Variants in TTLL1 observed in about 807,000 individuals in gnomAD.
The protein encoded by TTLL1 is polyglutamylase complex subunit TTLL1.
In TTLL1, 33 loss-of-function variants were observed where a neutral mutation model predicts 47.8. That is an observed-to-expected ratio of 0.69 (90% CI 0.52 to 0.92). TTLL1 has a LOEUF of 0.92. TTLL1 is among the 40% of genes least tolerant of loss of function. The pLI is 0.00. For missense variants in TTLL1, 488 were observed against 547.5 expected, an observed-to-expected ratio of 0.89 and a Z score of 1.08; for synonymous variants, 225 against 214.1, an observed-to-expected ratio of 1.05 and a Z score of -0.45.
chr22:43,068,538 C>T lies in TTLL1; in HGVS notation c.375G>A (p.Glu125=), dbSNP rs201616202. The T allele has an allele frequency of 2.6e-6, 4 of 1,563,252 alleles. No individual in the cohort carries two copies. The stretch of plus-strand genomic sequence containing the variant: ...TGCTGGACGGGCTCTTCCGGAACTC[C>T]TCTACAAACAGGTTGTAGTCAGCGG... The part of the protein sequence containing the change: ...MLPADYNLFV[E]EFRKSPSSTW... Residue 125 remains glutamate (E), a synonymous_variant, in exon 5 of 11, where the codon GAG becomes GAA. Coordinates refer to ENST00000266254, the MANE Select transcript of TTLL1 (RefSeq NM_012263.5).
intron 1 of TTLL1, among the ~76,000 whole-genome samples, chr22:43,088,865 T>A (rs1288440122): frequency 6.6e-6 from 1 of 152,160 alleles, no homozygotes; most frequent in African/African-American, 2.4e-5. Flanking sequence ...GGAAATGTCT[T>A]GGTCCAGTCA....
At chr22:43,087,918 T>C (rs968512998) in intron 1 of TTLL1, among the ~76,000 whole-genome samples, 2 of 145,568 alleles carry the variant, frequency 1.4e-5, no homozygotes, top group African/African-American at 5.2e-5. Context: ...GAGGCCGAGG[T>C]GGGCGGATCA....
intron 1 of TTLL1, among the ~76,000 whole-genome samples, chr22:43,086,664 C>T (rs894390716): frequency 6.6e-6 from 1 of 152,104 alleles, no homozygotes; most frequent in African/African-American, 2.4e-5. Context: ...CAACTGTGGC[C>T]GGGGAAGGAA....
At chr22:43,066,097 T>G (rs1443403878) in intron 5 of TTLL1, among the ~76,000 whole-genome samples, 3 of 148,714 alleles carry the variant, frequency 2.0e-5, no homozygotes, top group African/African-American at 7.5e-5. Context: ...ACGTGGAGGT[T>G]GCAGTGAGCT....
At chr22:43,075,419 T>C in intron 3 of TTLL1, 55 bp downstream of exon 3, 1 of 1,475,824 alleles carries the variant, frequency 6.8e-7, no homozygotes. Flanking sequence ...CTGGAATTAG[T>C]AAAACCGATA....
At chr22:43,049,962 G>A (rs1601660094) in intron 9 of TTLL1, among the ~76,000 whole-genome samples, 2 of 151,836 alleles carry the variant, frequency 1.3e-5, no homozygotes, top group East Asian at 1.9e-4. Flanking sequence ...CAGGGTTGGC[G>A]GCATGCACCC....
At chr22:43,086,913 T>C (rs1929262164) in intron 1 of TTLL1, among the ~76,000 whole-genome samples, 1 of 152,192 alleles carries the variant, frequency 6.6e-6, no homozygotes, top group African/African-American at 2.4e-5. Context: ...AGCTTCATAC[T>C]GCATTCAGAA....
Position 43,059,505 on chromosome 22 carries a change from C to T in TTLL1, c.770G>A (p.Gly257Glu), listed in dbSNP as rs1927261059. 6.2e-7 allele frequency: 1 copy of T among 1,613,426 alleles called. No homozygotes were observed. Among genetic ancestry groups the T allele is most frequent in the Admixed American group, 1.7e-5 (1 of 59,862 alleles). ...CAGGTTACTCACTGTCCACTTGCCC[C>T]CATGGATGTGGTTGTAGTCCTCCTG... ...KHGEDYNHIH[G>E]GKWTVSNLRL... Residue 257 changes from glycine (G) to glutamate (E), a missense_variant, in exon 8 of 11, where the codon GGG (glycine) becomes GAG (glutamate). Physicochemically the swap from Gly to Glu is moderately conservative, Grantham distance 98 (BLOSUM62 -2). Transcript: ENST00000266254.
At chr22:43,070,822 G>C (rs1429232703) in intron 3 of TTLL1, among the ~76,000 whole-genome samples, 2 of 152,046 alleles carry the variant, frequency 1.3e-5, no homozygotes, top group Non-Finnish European at 2.9e-5. Flanking sequence ...ATTTCTGTAA[G>C]ATTCTCTAAC....
chr22:43,082,886 C>T lies in TTLL1; in HGVS notation c.-89-2900G>A, dbSNP rs559948178. Among the ~76,000 whole-genome samples, 19 of 151,632 alleles carry T rather than the reference C, an allele frequency of 1.3e-4. No homozygotes were observed. In the South Asian group the frequency reaches 3.7e-3, roughly 30 times the overall value. On this transcript the variant is annotated intron_variant, in intron 1 of 10. Transcript: ENST00000266254. Reference sequence around the variant, plus strand: ...AAAATTAGCTGGGCATGGTGGCGGGCGCCTGTAATCCCAGCTACTTGGGAG... The same window carrying T: ...AAAATTAGCTGGGCATGGTGGCGGGTGCCTGTAATCCCAGCTACTTGGGAG...
chr22:43,067,970 ATT>A lies in TTLL1; in HGVS notation c.503+438_503+439del, dbSNP rs528981760. ...AGGCACCTGCCACCTCACCTGGCTA[ATT>A]TTTTTTTTTTTTTTTGTATTTTTAG... On this transcript the variant is annotated intron_variant, in intron 5 of 10. Coordinates refer to ENST00000266254, the MANE Select transcript of TTLL1 (RefSeq NM_012263.5). 3.8e-4 allele frequency among the ~76,000 whole-genome samples: 49 copies of A among 129,594 alleles called. No homozygotes were observed. In the East Asian group the frequency reaches 5.2e-3, roughly 14 times the overall value. 85.0% of individuals were successfully genotyped at this position (129,594 alleles called of 152,430 possible). A position where few individuals can be genotyped will look rare whatever the true frequency, so the allele number is the denominator to read the frequency against.
chr22:43,076,774 T>A (rs1259901990), intron 2 of TTLL1, among the ~76,000 whole-genome samples: 1 of 148,606 alleles, frequency 6.7e-6, no homozygotes, highest in African/African-American at 2.5e-5. Flanking sequence ...TAATAATAAA[T>A]CAAATAAAAT....
At chr22:43,086,318 T>G (rs1447155252) in intron 1 of TTLL1, among the ~76,000 whole-genome samples, 1 of 152,204 alleles carries the variant, frequency 6.6e-6, no homozygotes, top group Non-Finnish European at 1.5e-5. Context: ...GAGTTGGGGC[T>G]GTCACCACCT....
At chr22:43,045,469 C>CTTT (rs1926042320) in intron 10 of TTLL1, among the ~76,000 whole-genome samples, 1 of 112,772 alleles carries the variant, frequency 8.9e-6, no homozygotes. Flanking sequence ...TTATTATACC[C>CTTT]ATTTTTTTTT....
chr22:43,049,836 G>A (rs1926464845), intron 9 of TTLL1, among the ~76,000 whole-genome samples: 1 of 151,644 alleles, frequency 6.6e-6, no homozygotes, highest in Non-Finnish European at 1.5e-5. Context: ...GCTCACGCCT[G>A]TCATCCTAGC....
At chr22:43,056,417 T>C (rs936577025) in intron 8 of TTLL1, among the ~76,000 whole-genome samples, 1 of 149,906 alleles carries the variant, frequency 6.7e-6, no homozygotes, top group African/African-American at 2.4e-5. Flanking sequence ...GCCATCACAC[T>C]TTCTCCAGAA....
intron 9 of TTLL1, 97 bp from the exon 10 acceptor site, chr22:43,046,670 T>C (rs949952080): frequency 1.6e-5 from 23 of 1,424,624 alleles, no homozygotes; most frequent in African/African-American, 5.7e-5. Flanking sequence ...CTACACACTT[T>C]AGTGAAGTTT....
chr22:43,046,605 G>A (rs751290633), intron 9 of TTLL1, 32 bp from the exon 10 acceptor site: 1 of 1,605,452 alleles, frequency 6.2e-7, no homozygotes, highest in South Asian at 1.1e-5. Flanking sequence ...TTCCTCACCT[G>A]TGTCTCTCGC....
chr22:43,047,157 A>G (rs1482293408), intron 9 of TTLL1, among the ~76,000 whole-genome samples: 1 of 152,214 alleles, frequency 6.6e-6, no homozygotes, highest in African/African-American at 2.4e-5. Context: ...AAACGTTATC[A>G]GTGCCTACCT....
Sources: allele counts gnomAD v4.1 joint callset (sites outside exome capture counted in the v4.1 genomes callset), GRCh38; gene constraint gnomAD v4.1.1; transcripts MANE v1.5; gene names NCBI Gene and HGNC (gene_info 2026-07-23, HGNC 2026-07-21).